SLC16A12: variants seen among roughly 807,000 people sequenced by gnomAD.
SLC16A12 encodes the protein monocarboxylate transporter 12.
A neutral mutation model predicts 42.4 loss-of-function variants in SLC16A12; 17 were observed. The ratio of observed to expected loss-of-function variants is 0.40; its 90% confidence interval spans 0.27 to 0.60. The LOEUF is 0.60. Among genes scored for constraint, SLC16A12 ranks in the 20% least tolerant of loss-of-function variants. SLC16A12 has a pLI of 0.42. For missense variants in SLC16A12, 544 were observed against 623.0 expected (o/e 0.87, Z 1.35); for synonymous variants, 224 against 229.4 (o/e 0.98, Z 0.21).
At chr10:89,484,660 C>T (rs1842720522) in intron 2 of SLC16A12, among the ~76,000 whole-genome samples, 1 of 152,164 alleles carries the variant, frequency 6.6e-6, no homozygotes, top group Admixed American at 6.5e-5. Context: ...GACAGTGTAG[C>T]TCCGAAGCCT....
At position 89,481,678 on chromosome 10, in the gene SLC16A12, A is replaced by AGAGTGT. The variant is rs771386614; in HGVS notation, c.-46-19055_-46-19054insACACTC. On this transcript the variant is annotated intron_variant, in intron 2 of 7. Transcript: ENST00000371790. ...GTGTGTGTGTGTGAGAGAGAGAGAG[A>AGAGTGT]GTGTGTGTGTGTGTGTGTGTGTGTG... Among the ~76,000 whole-genome samples the AGAGTGT allele has an allele frequency of 2.0e-3, 290 of 143,962 alleles. 1 individual carries two copies. The highest frequency in any genetic ancestry group is 5.7e-3 in the African/African-American group (226 of 39,352). 94.4% of individuals were successfully genotyped at this position (143,962 alleles called of 152,430 possible). A position where few individuals can be genotyped will look rare whatever the true frequency, so the allele number is the denominator to read the frequency against.
rs1391704705 is a variant in SLC16A12 at position 89,433,135 on chromosome 10, C to T, written c.1480G>A (p.Val494Met). The T allele has an allele frequency of 6.2e-7, 1 of 1,614,196 alleles. No homozygotes were observed. The highest frequency in any genetic ancestry group is 1.7e-5 in the Admixed American group (1 of 60,024). The change falls in exon 8 of 8, where the codon GTG (valine) becomes ATG (methionine). Residue 494 changes from valine to methionine, a missense_variant. By Grantham distance (21) the Val-to-Met change is conservative. Transcript: ENST00000371790. ...TGTTTCTGATCTAATTCTCTTGCCACAGAATAAGCCACTGATCCATTGGTC... is the reference window on the plus strand; with the variant it reads ...TGTTTCTGATCTAATTCTCTTGCCATAGAATAAGCCACTGATCCATTGGTC... Reference protein sequence around the residue: ...LWTNGSVAYSVARELDQKHGE... With the variant: ...LWTNGSVAYSMARELDQKHGE...
intron 3 of SLC16A12, among the ~76,000 whole-genome samples, chr10:89,444,230 T>C (rs1011662455): frequency 6.6e-6 from 1 of 152,232 alleles, no homozygotes; most frequent in Non-Finnish European, 1.5e-5. Context: ...ACCAGCAATG[T>C]CACCTCTAGG....
intron 3 of SLC16A12, among the ~76,000 whole-genome samples, chr10:89,446,815 A>G (rs1842010444): frequency 6.6e-6 from 1 of 152,212 alleles, no homozygotes; most frequent in African/African-American, 2.4e-5. Flanking sequence ...AGACTAGCCA[A>G]TTGGATAAAG....
intron 3 of SLC16A12, among the ~76,000 whole-genome samples, chr10:89,460,764 A>G (rs1303289533): frequency 6.6e-6 from 1 of 151,598 alleles, no homozygotes; most frequent in Admixed American, 6.6e-5. Context: ...AAAAAAAAAA[A>G]AAAATCACAC....
chr10:89,456,402 T>C (rs932473730), intron 3 of SLC16A12, among the ~76,000 whole-genome samples: 1 of 152,176 alleles, frequency 6.6e-6, no homozygotes, highest in Non-Finnish European at 1.5e-5. Context: ...GTCTCAGACC[T>C]GGAGGGGGAC....
At chr10:89,500,722 G>A (rs919871601) in intron 2 of SLC16A12, among the ~76,000 whole-genome samples, 3 of 152,054 alleles carry the variant, frequency 2.0e-5, no homozygotes, top group African/African-American at 7.2e-5. Context: ...AAGCATTCCT[G>A]CTGAGAACTG....
intron 2 of SLC16A12, among the ~76,000 whole-genome samples, chr10:89,481,320 A>G (rs1387963858): frequency 6.6e-6 from 1 of 152,200 alleles, no homozygotes; most frequent in African/African-American, 2.4e-5. Flanking sequence ...CCACTTGTAC[A>G]TAGTGGCAAC....
chr10:89,482,536 T>C (rs1307122584), intron 2 of SLC16A12, among the ~76,000 whole-genome samples: 4 of 152,104 alleles, frequency 2.6e-5, no homozygotes, highest in Admixed American at 2.0e-4. Flanking sequence ...ATCCCAGCAC[T>C]TGGGGAGGCT....
At chr10:89,435,018 G>C (rs1841755784) in intron 7 of SLC16A12, among the ~76,000 whole-genome samples, 1 of 152,226 alleles carries the variant, frequency 6.6e-6, no homozygotes, top group South Asian at 2.1e-4. Context: ...CACAATGCTA[G>C]TTACACATGC....
At chr10:89,444,794 G>T (rs1841971749) in intron 3 of SLC16A12, among the ~76,000 whole-genome samples, 1 of 152,196 alleles carries the variant, frequency 6.6e-6, no homozygotes, top group South Asian at 2.1e-4. Flanking sequence ...GCCGAAGCAG[G>T]GTGGGGCATT....
intron 2 of SLC16A12, among the ~76,000 whole-genome samples, chr10:89,491,650 A>T (rs1178737368): frequency 6.6e-6 from 1 of 152,204 alleles, no homozygotes; most frequent in Non-Finnish European, 1.5e-5. Context: ...GTAAGAATTG[A>T]CATTAAAACT....
chr10:89,477,564 C>CAAAAA (rs34204051), intron 2 of SLC16A12, among the ~76,000 whole-genome samples: 10 of 49,248 alleles, frequency 2.0e-4, no homozygotes, highest in African/African-American at 2.5e-4. Context: ...AACTCTGTCT[C>CAAAAA]AAAAAAAAAA....
At chr10:89,485,596 C>T (rs193194552) in intron 2 of SLC16A12, among the ~76,000 whole-genome samples, 13 of 152,180 alleles carry the variant, frequency 8.5e-5, no homozygotes, top group Admixed American at 8.5e-4. Flanking sequence ...TGGGGGAGAA[C>T]AACTCAGGAT....
At chr10:89,555,619 A>G (rs1238054548) in intron 2 of SLC16A12, among the ~76,000 whole-genome samples, 1 of 145,340 alleles carries the variant, frequency 6.9e-6, no homozygotes, top group Non-Finnish European at 1.5e-5. Flanking sequence ...ATATATACAG[A>G]TATGTATATA....
At chr10:89,501,078 T>A (rs1387178979) in intron 2 of SLC16A12, among the ~76,000 whole-genome samples, 1 of 151,906 alleles carries the variant, frequency 6.6e-6, no homozygotes, top group African/African-American at 2.4e-5. Flanking sequence ...AAACAAAACC[T>A]TAGGAATATA....
chr10:89,534,034 G>C (rs1270996464), intron 2 of SLC16A12, among the ~76,000 whole-genome samples: 3 of 152,210 alleles, frequency 2.0e-5, no homozygotes, highest in Non-Finnish European at 4.4e-5. Context: ...ATCTGGATCT[G>C]AGCTTCCTGG....
chr10:89,539,897 C>CTTA (rs1554834026), upstream of SLC16A12, among the ~76,000 whole-genome samples: 1 of 146,178 alleles, frequency 6.8e-6, no homozygotes, highest in Non-Finnish European at 1.5e-5. Context: ...TTCTTTCTTT[C>CTTA]TTTCTTTCTT....
chr10:89,486,655 GAAA>G lies in SLC16A12; in HGVS notation c.-46-24034_-46-24032del, dbSNP rs1564585944. Among the ~76,000 whole-genome samples the G allele has an allele frequency of 8.0e-4, 39 of 48,748 alleles. 1 individual carries two copies. Among genetic ancestry groups the G allele is most frequent in the Non-Finnish European group, 1.3e-3 (30 of 23,790 alleles). The allele number at this position is 48,748 out of a possible 152,430, so 32.0% of individuals were successfully genotyped here. A position where few individuals can be genotyped will look rare whatever the true frequency, so the allele number is the denominator to read the frequency against. On this transcript the variant is annotated intron_variant, in intron 2 of 7. Coordinates refer to ENST00000371790, the MANE Select transcript of SLC16A12 (RefSeq NM_213606.4). The stretch of plus-strand genomic sequence containing the variant: ...AGAAAGAAAGAAAGAAAGAAAGAAA[GAAA>G]GAAAGAAAAGAAAGAAAGAAAGAAA...
Sources: gnomAD v4.1 joint callset for allele counts (sites outside exome capture counted in the v4.1 genomes callset) on GRCh38, gnomAD v4.1.1 for gene constraint, MANE v1.5 for transcripts, NCBI Gene and HGNC (gene_info 2026-07-23, HGNC 2026-07-21) for gene names.